Variants in ZFYVE9 observed in about 807,000 individuals in gnomAD.
ZFYVE9 encodes zinc finger FYVE-type containing 9.
Under a neutral mutation model 126.7 loss-of-function variants are expected in ZFYVE9, and 43 were observed. That is an observed-to-expected ratio of 0.34 (90% CI 0.27 to 0.44). The LOEUF is 0.44. ZFYVE9 is among the 20% of genes least tolerant of loss of function. The pLI, the probability that ZFYVE9 is intolerant of heterozygous loss-of-function variation, is 1.00. For missense variants in ZFYVE9, 1,476 were observed against 1,697.0 expected (o/e 0.87, Z 2.29); for synonymous variants, 521 against 597.4 (o/e 0.87, Z 1.87).
chr1:52,167,979 G>A (rs1171201593), intron 1 of ZFYVE9, among the ~76,000 whole-genome samples: 4 of 152,170 alleles, frequency 2.6e-5, no homozygotes, highest in Non-Finnish European at 5.9e-5. Flanking sequence ...GTTGAAAGGA[G>A]TTAGAAGTAA....
intron 1 of ZFYVE9, among the ~76,000 whole-genome samples, chr1:52,154,080 A>C (rs895676218): frequency 2.0e-5 from 3 of 152,256 alleles, no homozygotes; most frequent in Non-Finnish European, 2.9e-5. Context: ...TTATGGGCCT[A>C]CTGCCACAAA....
intron 1 of ZFYVE9, among the ~76,000 whole-genome samples, chr1:52,152,235 C>G (rs1255424206): frequency 6.6e-6 from 1 of 152,208 alleles, no homozygotes; most frequent in African/African-American, 2.4e-5. Context: ...GATGATCCAC[C>G]TGCCTCAGCC....
rs1235082590 is a variant in ZFYVE9, at chr1:52,239,208, C to T, written c.1791C>T (p.Asp597=). 7 of 1,614,016 alleles carry T rather than the reference C, an allele frequency of 4.3e-6. No individual in the cohort carries two copies. The highest frequency in any genetic ancestry group is 5.1e-6 in the Non-Finnish European group (6 of 1,179,984). ...TTCAAATTCCAAAGCCATTATCAGA[C>T]CATTTACAAAATGACTTTCCTGCAA... ...LKLQIPKPLS[D]HLQNDFPANS... is the part of the protein sequence containing the mutation. The change falls in exon 4 of 19, where the codon GAC becomes GAT. Residue 597 remains aspartate, a synonymous_variant. Coordinates refer to ENST00000287727, the MANE Select transcript of ZFYVE9 (RefSeq NM_004799.4).
chr1:52,311,799 A>ATTTT (rs562421659), intron 13 of ZFYVE9, among the ~76,000 whole-genome samples: 2 of 147,480 alleles, frequency 1.4e-5, no homozygotes, highest in African/African-American at 5.0e-5. Flanking sequence ...TTATTTATTT[A>ATTTT]TTTTTTTTTT....
intron 2 of ZFYVE9, among the ~76,000 whole-genome samples, chr1:52,232,837 A>T (rs755633392): frequency 1.3e-5 from 2 of 150,764 alleles, no homozygotes; most frequent in Non-Finnish European, 2.9e-5. Context: ...GTCATTTCCC[A>T]TTTGAAAAAA....
intron 13 of ZFYVE9, among the ~76,000 whole-genome samples, chr1:52,322,186 A>C (rs1427055577): frequency 6.6e-6 from 1 of 152,084 alleles, no homozygotes; most frequent in Non-Finnish European, 1.5e-5. Context: ...TCTTTTCCTC[A>C]TTCCTTGATA....
chr1:52,258,747 A>G (rs1645548139), intron 4 of ZFYVE9, among the ~76,000 whole-genome samples: 1 of 152,148 alleles, frequency 6.6e-6, no homozygotes, highest in Non-Finnish European at 1.5e-5. Flanking sequence ...AGAGTCATCT[A>G]CTTTTCTAGC....
At chr1:52,233,771 A>G (rs1645246176) in intron 3 of ZFYVE9, among the ~76,000 whole-genome samples, 1 of 152,186 alleles carries the variant, frequency 6.6e-6, no homozygotes, top group South Asian at 2.1e-4. Flanking sequence ...TGTCCACTTA[A>G]GATTCACTTC....
intron 1 of ZFYVE9, among the ~76,000 whole-genome samples, chr1:52,210,812 A>G (rs1645021801): frequency 6.6e-6 from 1 of 152,086 alleles, no homozygotes; most frequent in Admixed American, 6.6e-5. Context: ...CTGCCACCAC[A>G]GCTGGCTAAT....
intron 2 of ZFYVE9, among the ~76,000 whole-genome samples, chr1:52,218,254 T>C (rs1645089752): frequency 6.6e-6 from 1 of 152,124 alleles, no homozygotes; most frequent in Non-Finnish European, 1.5e-5. Flanking sequence ...GTGTACCAAA[T>C]ATTGGTCCCC....
intron 7 of ZFYVE9, among the ~76,000 whole-genome samples, chr1:52,273,093 G>A (rs1428636589): frequency 2.0e-5 from 3 of 152,018 alleles, no homozygotes; most frequent in South Asian, 2.1e-4. Context: ...TGAAACCTCC[G>A]CCTCCTGGGT....
At chr1:52,211,325 T>C (rs1645026436) in intron 1 of ZFYVE9, among the ~76,000 whole-genome samples, 1 of 152,086 alleles carries the variant, frequency 6.6e-6, no homozygotes. Flanking sequence ...GACACCTGAG[T>C]CACAGGTGCT....
intron 1 of ZFYVE9, among the ~76,000 whole-genome samples, chr1:52,199,482 G>T (rs561930286): frequency 6.6e-6 from 1 of 152,148 alleles, no homozygotes; most frequent in Non-Finnish European, 1.5e-5. Context: ...GTGCCTTTAA[G>T]GTTCTTCCAT....
rs116354768 is a variant in ZFYVE9 at position 52,320,393 on chromosome 1, A to T, written c.3439-12375A>T. On this transcript the variant is annotated intron_variant, in intron 13 of 18. Coordinates refer to ENST00000287727, the MANE Select transcript of ZFYVE9 (RefSeq NM_004799.4). Reference sequence around the variant, plus strand: ...CTGTTAAGATGTATTTTAAAAGTAGAGTGATCAAAGCAGTATTGTTTGGGT... The same window carrying T: ...CTGTTAAGATGTATTTTAAAAGTAGTGTGATCAAAGCAGTATTGTTTGGGT... Among the ~76,000 whole-genome samples, 1,260 of 152,308 alleles carry T rather than the reference A, an allele frequency of 8.3e-3. 16 individuals carry two copies. The highest frequency in any genetic ancestry group is 0.029 in the African/African-American group (1,202 of 41,570).
chr1:52,158,820 T>G (rs1572062405), intron 1 of ZFYVE9, among the ~76,000 whole-genome samples: 1 of 149,724 alleles, frequency 6.7e-6, no homozygotes, highest in African/African-American at 2.5e-5. Flanking sequence ...TTTTTTTTTT[T>G]GAAACTGAGT....
chr1:52,177,746 G>T (rs1644651165), intron 1 of ZFYVE9, among the ~76,000 whole-genome samples: 1 of 152,174 alleles, frequency 6.6e-6, no homozygotes, highest in Non-Finnish European at 1.5e-5. Context: ...GATGAGAGGG[G>T]TGTTTTAAGC....
intron 1 of ZFYVE9, chr1:52,149,993 A>C (rs1029974470): frequency 6.6e-6 from 1 of 152,200 alleles, no homozygotes; most frequent in Non-Finnish European, 1.5e-5. Flanking sequence ...TTTGCTGTTT[A>C]TCTGTGAGAT....
chr1:52,216,174 A>C (rs977202739), intron 1 of ZFYVE9, among the ~76,000 whole-genome samples, 195 bp from the exon 2 acceptor site: 23 of 152,176 alleles, frequency 1.5e-4, no homozygotes, highest in African/African-American at 5.5e-4. Flanking sequence ...GAAACATTTA[A>C]CTTTTGGCCT....
At chr1:52,345,903 T>G in intron 18 of ZFYVE9, 157 bp from the exon 19 acceptor site, 1 of 698,892 alleles carries the variant, frequency 1.4e-6, no homozygotes, top group South Asian at 3.8e-5. Flanking sequence ...ACAGGATAAG[T>G]GATCACCCAG....
Sources: gnomAD v4.1 joint callset for allele counts (sites outside exome capture counted in the v4.1 genomes callset) on GRCh38, gnomAD v4.1.1 for gene constraint, MANE v1.5 for transcripts, NCBI Gene and HGNC (gene_info 2026-07-23, HGNC 2026-07-21) for gene names.